Variants in UBTD1 observed in about 807,000 individuals in gnomAD.
The protein encoded by UBTD1 is ubiquitin domain-containing protein 1.
UBTD1 carries 19 observed loss-of-function variants against 21.7 expected under a neutral mutation model. That is an observed-to-expected ratio of 0.87 (90% CI 0.61 to 1.28). UBTD1 has a LOEUF of 1.28. Among genes scored for constraint, UBTD1 ranks in the 50% most tolerant of loss-of-function variants. The probability of loss-of-function intolerance (pLI) is 0.00; values close to 1 mark genes in which losing one functional copy is unlikely to be tolerated. For synonymous variants in UBTD1, 116 were observed against 135.1 expected (o/e 0.86, Z 0.98); for missense variants, 282 against 315.1 (o/e 0.89, Z 0.80).
chr10:97,510,646 T>G (rs1352726753), intron 1 of UBTD1, among the ~76,000 whole-genome samples: 2 of 152,196 alleles, frequency 1.3e-5, no homozygotes, highest in African/African-American at 4.8e-5. Context: ...CCCCCAGCCT[T>G]ACAGTTCCCC....
intron 1 of UBTD1, among the ~76,000 whole-genome samples, chr10:97,551,210 C>G (rs757367868): frequency 1.1e-4 from 16 of 152,228 alleles, no homozygotes; most frequent in Admixed American, 3.3e-4. Flanking sequence ...TAGCCTTTGC[C>G]TCTATACACA....
chr10:97,527,171 C>CAAAAAAAAAAA (rs34756643), intron 1 of UBTD1, among the ~76,000 whole-genome samples: 2 of 66,720 alleles, frequency 3.0e-5, no homozygotes, highest in Non-Finnish European at 5.4e-5. Flanking sequence ...CTCTTGTCTC[C>CAAAAAAAAAAA]AAAAAAAAAA....
At chr10:97,499,547 A>G (rs915513758) in intron 1 of UBTD1, among the ~76,000 whole-genome samples, 1 of 152,134 alleles carries the variant, frequency 6.6e-6, no homozygotes, top group Admixed American at 6.5e-5. Context: ...TGCAGACCGC[A>G]GCGGGGCCGA....
intron 1 of UBTD1, among the ~76,000 whole-genome samples, chr10:97,529,558 T>G (rs1288985479): frequency 1.3e-5 from 2 of 151,516 alleles, no homozygotes; most frequent in Non-Finnish European, 2.9e-5. Context: ...GGTTAGGAGC[T>G]GGAGACCAGC....
At position 97,560,766 on chromosome 10, in the gene UBTD1, G is replaced by A. The variant is rs545913203; in HGVS notation, c.71-7148G>A. Among the ~76,000 whole-genome samples, 5 of 151,904 alleles carry A rather than the reference G, an allele frequency of 3.3e-5. No individual in the cohort carries two copies. In the East Asian group the frequency reaches 7.7e-4, roughly 23 times the overall value. ...TTTTTTTAACATAGTTCCTAGTAGG[G>A]TGGGCTTATTTGTGCCTGGCCCATG... On this transcript the variant is annotated intron_variant, in intron 1 of 2. Coordinates refer to ENST00000370664, the MANE Select transcript of UBTD1 (RefSeq NM_024954.5).
At chr10:97,554,156 C>T (rs922037442) in intron 1 of UBTD1, among the ~76,000 whole-genome samples, 1 of 152,030 alleles carries the variant, frequency 6.6e-6, no homozygotes, top group African/African-American at 2.4e-5. Flanking sequence ...GACACAGTTA[C>T]AGCTCAGGTG....
At chr10:97,540,837 T>C (rs944431777) in intron 1 of UBTD1, among the ~76,000 whole-genome samples, 2 of 152,192 alleles carry the variant, frequency 1.3e-5, no homozygotes, top group Non-Finnish European at 2.9e-5. Context: ...ACGTGGGCAT[T>C]GCCGAGTCAA....
chr10:97,570,173 C>T lies in UBTD1; in HGVS notation c.334C>T (p.Arg112Cys), dbSNP rs376126809. Reference protein sequence around the residue: ...LCECYDELGNRYQLPIYCLSP... With the variant: ...LCECYDELGNCYQLPIYCLSP... ...TGAATGCTACGATGAGCTGGGCAAT[C>T]GCTACCAGCTGCCCATCTACTGCCT... The change falls in exon 3 of 3, where the codon CGC (arginine) becomes TGC (cysteine). Residue 112 changes from arginine to cysteine, a missense_variant. Transcript: ENST00000370664. This position sits in a 1 kb window ranked among gnomAD's most constrained non-coding sequence, Gnocchi z 6.6. The T allele has an allele frequency of 4.3e-6, 7 of 1,612,234 alleles. No individual in the cohort carries two copies. The highest frequency in any genetic ancestry group is 2.2e-5 in the East Asian group (1 of 44,834).
In UBTD1 at chr10:97,530,223, A is replaced by AATGG. The variant is rs551381885; in HGVS notation, c.70+30958_70+30961dup. ...TCTTGAATGAATGAATGAATGAATG[A>AATGG]ATGGATGGATGAATCGATGAATGAA... is the stretch of plus-strand genomic sequence containing the variant. On this transcript the variant is annotated intron_variant, in intron 1 of 2. Transcript: ENST00000370664. Among the ~76,000 whole-genome samples the AATGG allele has an allele frequency of 4.9e-3, 742 of 152,166 alleles. 8 individuals are homozygous for AATGG. Among genetic ancestry groups the AATGG allele is most frequent in the Admixed American group, 0.024 (368 of 15,280 alleles).
In UBTD1 at chr10:97,570,571, C is replaced by T. The variant is rs1178210774; in HGVS notation, c.*48C>T. On this transcript the variant is annotated 3_prime_UTR_variant, in exon 3 of 3. Transcript: ENST00000370664. This position sits in a 1 kb window ranked among gnomAD's most constrained non-coding sequence, Gnocchi z 6.6. ...GAGGCCCCGCCTGGAGCACTAGGCCCCCACCCTGCTGCTGCCTTCCAGTGC... is the reference window on the plus strand; with the variant it reads ...GAGGCCCCGCCTGGAGCACTAGGCCTCCACCCTGCTGCTGCCTTCCAGTGC... 2.6e-6 allele frequency: 4 copies of T among 1,541,706 alleles called. No individual in the cohort carries two copies. Among genetic ancestry groups the T allele is most frequent in the Non-Finnish European group, 3.5e-6 (4 of 1,138,716 alleles).
intron 1 of UBTD1, among the ~76,000 whole-genome samples, chr10:97,518,235 G>A (rs997575293): frequency 6.6e-6 from 1 of 152,164 alleles, no homozygotes; most frequent in Non-Finnish European, 1.5e-5. Context: ...AAGCAGATGG[G>A]GGTTGAGGCG....
chr10:97,552,635 T>G (rs987782715), intron 1 of UBTD1, among the ~76,000 whole-genome samples: 1 of 152,142 alleles, frequency 6.6e-6, no homozygotes, highest in Non-Finnish European at 1.5e-5. Context: ...ACTCCTCACC[T>G]CAAGTGATCT....
intron 1 of UBTD1, among the ~76,000 whole-genome samples, chr10:97,537,920 G>A (rs374678423): frequency 2.7e-5 from 4 of 150,030 alleles, no homozygotes; most frequent in Non-Finnish European, 5.9e-5. Flanking sequence ...CTACCTCCCA[G>A]GTTCAAGCGA....
intron 1 of UBTD1, among the ~76,000 whole-genome samples, chr10:97,567,665 C>A (rs2040724343): frequency 6.6e-6 from 1 of 151,576 alleles, no homozygotes; most frequent in South Asian, 2.1e-4. Context: ...ATCTCAAAAA[C>A]AAAAAACAAA....
In UBTD1 at chr10:97,568,224, C is replaced by T. The variant is rs575706915; in HGVS notation, c.298+83C>T. ...TTTGAGGGTGTTGAGGAGTGTGGAG[C>T]GGTGGGGCAGGTGGTTACTCACGTA... is the stretch of plus-strand genomic sequence containing the variant. On this transcript the variant is annotated intron_variant, in intron 2 of 2. Transcript: ENST00000370664. 1,425 of 1,457,486 alleles carry T rather than the reference C, an allele frequency of 9.8e-4. 7 individuals carry two copies. Among genetic ancestry groups the T allele is most frequent in the East Asian group, 7.6e-3 (329 of 43,482 alleles). The allele number at this position is 1,457,486 out of a possible 1,614,324, so 90.3% of individuals were successfully genotyped here.
chr10:97,516,474 C>T (rs1258662302), intron 1 of UBTD1, among the ~76,000 whole-genome samples: 2 of 152,180 alleles, frequency 1.3e-5, no homozygotes, highest in Non-Finnish European at 2.9e-5. Context: ...GCAGGGCAGA[C>T]ATTAGAAATC....
chr10:97,544,559 A>T (rs1205882334), intron 1 of UBTD1, among the ~76,000 whole-genome samples: 1 of 152,224 alleles, frequency 6.6e-6, no homozygotes, highest in Admixed American at 6.5e-5. Flanking sequence ...CTCCTCAAAA[A>T]CTTAGCTACT....
At chr10:97,543,039 G>C (rs1564741389) in intron 1 of UBTD1, among the ~76,000 whole-genome samples, 2 of 152,370 alleles carry the variant, frequency 1.3e-5, no homozygotes, top group African/African-American at 4.8e-5. Flanking sequence ...CAGGCTCCAG[G>C]AACCATGTTT....
intron 1 of UBTD1, among the ~76,000 whole-genome samples, chr10:97,540,774 A>G (rs1275803602): frequency 2.6e-5 from 4 of 152,214 alleles, no homozygotes; most frequent in African/African-American, 9.6e-5. Flanking sequence ...AGACGTCAGC[A>G]TGAAGGAGAC....
Sources: gnomAD v4.1 joint callset for allele counts (sites outside exome capture counted in the v4.1 genomes callset) on GRCh38, gnomAD v4.1.1 for gene constraint, Gnocchi (gnomAD v3.1) non-coding constraint, MANE v1.5 for transcripts, NCBI Gene and HGNC (gene_info 2026-07-23, HGNC 2026-07-21) for gene names.